Variants in HVCN1 observed in about 807,000 individuals in gnomAD.
HVCN1 encodes the protein hydrogen voltage gated channel 1.
HVCN1 carries 14 observed loss-of-function variants against 29.2 expected under a neutral mutation model. The ratio of observed to expected loss-of-function variants is 0.48; its 90% CI spans 0.32 to 0.75. The LOEUF is 0.75. Among genes scored for constraint, HVCN1 ranks in the 30% least tolerant of loss-of-function variants. HVCN1 has a pLI of 0.04. For missense variants in HVCN1, 263 were observed against 341.8 expected, an observed-to-expected ratio of 0.77 and a Z score of 1.82; for synonymous variants, 131 against 133.2, an observed-to-expected ratio of 0.98 and a Z score of 0.11.
chr12:110,685,877 T>C (rs1393793808), intron 2 of HVCN1, among the ~76,000 whole-genome samples: 1 of 152,144 alleles, frequency 6.6e-6, no homozygotes, highest in Non-Finnish European at 1.5e-5. Context: ...AAGGGGGGTC[T>C]CACTATGTTA....
chr12:110,650,451 C>CT, intron 6 of HVCN1, among the ~76,000 whole-genome samples, 171 bp from the exon 7 acceptor site: 1 of 152,292 alleles, frequency 6.6e-6, no homozygotes, highest in Non-Finnish European at 1.5e-5. Context: ...GTCTGAGCTA[C>CT]TTAGTACCCA....
chr12:110,665,048 A>T (rs944755559), intron 3 of HVCN1, among the ~76,000 whole-genome samples: 3 of 152,126 alleles, frequency 2.0e-5, no homozygotes, highest in Non-Finnish European at 4.4e-5. Context: ...GCCACATTAC[A>T]CTCATCCCAA....
At chr12:110,689,389 TG>T (rs2069345992), upstream of HVCN1, 1 of 151,754 alleles carries the variant, frequency 6.6e-6, no homozygotes, top group Non-Finnish European at 1.5e-5. The surrounding 1 kb of genome is among the most constrained non-coding windows in gnomAD (Gnocchi z 5.7). Flanking sequence ...GTCCCGCCCG[TG>T]GGAGCGAATC....
intron 5 of HVCN1, among the ~76,000 whole-genome samples, chr12:110,653,484 C>G (rs989923663): frequency 6.6e-6 from 1 of 150,904 alleles, no homozygotes; most frequent in African/African-American, 2.4e-5. Flanking sequence ...TTAAAAATTC[C>G]AAGGAGACAT....
intron 4 of HVCN1, among the ~76,000 whole-genome samples, chr12:110,657,687 C>T (rs561155092): frequency 6.6e-6 from 1 of 152,218 alleles, no homozygotes; most frequent in Non-Finnish European, 1.5e-5. Flanking sequence ...AACCTAAGGT[C>T]ACAAAACTAC....
upstream of HVCN1, among the ~76,000 whole-genome samples, chr12:110,694,748 C>T (rs1184584639): frequency 1.3e-5 from 2 of 152,170 alleles, no homozygotes; most frequent in African/African-American, 2.4e-5. The surrounding 1 kb of genome is among the most constrained non-coding windows in gnomAD (Gnocchi z 4.6). Flanking sequence ...GGCCACACGA[C>T]GGGATCTGCA....
intron 2 of HVCN1, among the ~76,000 whole-genome samples, chr12:110,699,062 A>T (rs1370458356): frequency 6.6e-6 from 1 of 152,216 alleles, no homozygotes; most frequent in African/African-American, 2.4e-5. Flanking sequence ...CGGGAGGTGG[A>T]GGTTGCAGTG....
intron 3 of HVCN1, among the ~76,000 whole-genome samples, chr12:110,679,251 G>T (rs1265387232): frequency 1.3e-5 from 2 of 152,188 alleles, no homozygotes; most frequent in Admixed American, 6.5e-5. Flanking sequence ...GCCGAGGTGG[G>T]TAAGGAACCC....
chr12:110,655,007 C>T (rs902661291), intron 5 of HVCN1, among the ~76,000 whole-genome samples: 1 of 152,132 alleles, frequency 6.6e-6, no homozygotes, highest in Non-Finnish European at 1.5e-5. Flanking sequence ...TGCTCCAGCT[C>T]ACTAGCCTAG....
chr12:110,672,736 C>T (rs1241963029), intron 3 of HVCN1, among the ~76,000 whole-genome samples: 2 of 152,152 alleles, frequency 1.3e-5, no homozygotes, highest in African/African-American at 2.4e-5. Context: ...GCCAATCTTT[C>T]CCATGTGATT....
chr12:110,683,338 T>A, intron 2 of HVCN1, 74 bp from the exon 3 acceptor site: 2 of 1,489,976 alleles, frequency 1.3e-6, no homozygotes, highest in Non-Finnish European at 1.8e-6. Context: ...TCTGTAATCC[T>A]TTCTTACAAA....
chr12:110,649,524 G>A (rs572288167), intron 7 of HVCN1, 49 bp from the exon 8 acceptor site: 1 of 1,382,142 alleles, frequency 7.2e-7, no homozygotes, highest in Non-Finnish European at 1.0e-6. Flanking sequence ...GCCTCGCCAG[G>A]GATGTGACAA....
rs200642065 is a variant in HVCN1, at chr12:110,655,198, T to C, written c.411+36A>G. 77 of 1,513,068 alleles carry C rather than the reference T, an allele frequency of 5.1e-5. No individual in the cohort carries two copies. The East Asian group carries it at 1.7e-3, about 33-fold the overall frequency. 93.7% of individuals were successfully genotyped at this position (1,513,068 alleles called of 1,614,324 possible). ...CTGTGCAGATAACACAAGCAAAACA[T>C]ATCAGTAAGACCCCAGAAGAGCTGT... On this transcript the variant is annotated intron_variant, in intron 5 of 7. Coordinates refer to ENST00000242607, the MANE Select transcript of HVCN1 (RefSeq NM_032369.4).
At chr12:110,655,195 ACATAT>A (rs1349317169) in intron 5 of HVCN1, 34 bp downstream of exon 5, 2 of 1,501,218 alleles carry the variant, frequency 1.3e-6, no homozygotes, top group Admixed American at 1.7e-5. Context: ...CACAAGCAAA[ACATAT>A]CAGTAAGACC....
chr12:110,652,822 G>A (rs933402839), intron 5 of HVCN1, among the ~76,000 whole-genome samples: 5 of 152,194 alleles, frequency 3.3e-5, no homozygotes, highest in Non-Finnish European at 7.3e-5. Context: ...TGGGGAAGAG[G>A]ATATTTGCAT....
chr12:110,672,838 G>T (rs1193991019), intron 3 of HVCN1, among the ~76,000 whole-genome samples: 1 of 152,172 alleles, frequency 6.6e-6, no homozygotes, highest in Non-Finnish European at 1.5e-5. Flanking sequence ...CGCCACATAA[G>T]AAGTGCCTTT....
chr12:110,701,595 G>A (rs1481855988), intron 2 of HVCN1, among the ~76,000 whole-genome samples: 1 of 152,140 alleles, frequency 6.6e-6, no homozygotes, highest in African/African-American at 2.4e-5. Flanking sequence ...GGTGGCTCAC[G>A]CCTGTAATCC....
At chr12:110,701,952 CTTTTTTT>C (rs1196809621) in intron 2 of HVCN1, among the ~76,000 whole-genome samples, 2 of 144,616 alleles carry the variant, frequency 1.4e-5, no homozygotes, top group Non-Finnish European at 3.0e-5. Flanking sequence ...TTTCTTTTTT[CTTTTTTT>C]TTTGAGACGG....
intron 6 of HVCN1, among the ~76,000 whole-genome samples, chr12:110,650,880 G>A (rs897796746): frequency 6.6e-6 from 1 of 151,878 alleles, no homozygotes; most frequent in Non-Finnish European, 1.5e-5. Context: ...TTTTTGTTTT[G>A]TAGAGATGGG....
Sources: allele counts gnomAD v4.1 joint callset (sites outside exome capture counted in the v4.1 genomes callset), GRCh38; gene constraint gnomAD v4.1.1; non-coding constraint Gnocchi (gnomAD v3.1); transcripts MANE v1.5; gene names NCBI Gene and HGNC (gene_info 2026-07-23, HGNC 2026-07-21).